Variants in HBS1L observed in about 807,000 individuals in gnomAD.
The protein encoded by HBS1L is HBS1 like translational GTPase.
HBS1L carries 55 observed loss-of-function variants against 88.9 expected under a neutral mutation model. The ratio of observed to expected loss-of-function variants is 0.62; its 90% CI spans 0.50 to 0.77. The LOEUF (loss-of-function observed/expected upper bound fraction) is 0.77, where lower values mean the gene tolerates loss of function less well. Ranked by LOEUF, HBS1L falls within the 30% of genes least tolerant of loss-of-function variation. The pLI, the probability that HBS1L is intolerant of heterozygous loss-of-function variation, is 0.00. For missense variants in HBS1L, 741 were observed against 829.3 expected (o/e 0.89, Z 1.31); for synonymous variants, 267 against 288.5 (o/e 0.93, Z 0.76).
At chr6:134,975,170 C>T (rs1318572760) in intron 15 of HBS1L, among the ~76,000 whole-genome samples, 1 of 151,976 alleles carries the variant, frequency 6.6e-6, no homozygotes, top group Non-Finnish European at 1.5e-5. Context: ...AGCTACAAAA[C>T]CAACCAACCA....
At chr6:135,048,689 G>A (rs1231264811) in intron 2 of HBS1L, among the ~76,000 whole-genome samples, 5 of 152,116 alleles carry the variant, frequency 3.3e-5, no homozygotes, top group Admixed American at 3.3e-4. Flanking sequence ...TGCATTATTT[G>A]TTCTATAATA....
chr6:135,007,954 T>C (rs757026841), intron 4 of HBS1L, among the ~76,000 whole-genome samples: 30 of 152,232 alleles, frequency 2.0e-4, no homozygotes, highest in Non-Finnish European at 3.8e-4. Flanking sequence ...AAGCAGTTCA[T>C]TTAATTTCAC....
Position 135,054,670 on chromosome 6 carries a change from G to T in HBS1L, c.22C>A (p.Arg8=). 1 of 1,614,196 alleles carries T rather than the reference G, an allele frequency of 6.2e-7. No individual in the cohort carries two copies. The highest frequency in any genetic ancestry group is 1.1e-5 in the South Asian group (1 of 91,080). The change falls in exon 1 of 18, where the codon CGA becomes AGA. Residue 8 remains arginine, a synonymous_variant. Transcript: ENST00000367837. MARHRNV[R]GYNYDEDFED... is the part of the protein sequence containing the mutation. ...CTACCTTCATCGTAGTTATAGCCTC[G>T]AACATTCCGATGCCGGGCCATGACG... is the stretch of plus-strand genomic sequence containing the variant.
chr6:135,026,515 C>G (rs1562304380), intron 4 of HBS1L, among the ~76,000 whole-genome samples: 1 of 151,992 alleles, frequency 6.6e-6, no homozygotes. Flanking sequence ...ACATTATTAT[C>G]TGGTCTATTA....
intron 13 of HBS1L, 181 bp from the exon 14 acceptor site, chr6:134,979,449 C>T: frequency 1.8e-6 from 1 of 554,174 alleles, no homozygotes; most frequent in Non-Finnish European, 3.3e-6. Context: ...CTAGAACTGA[C>T]TCTTCTAGAA....
At chr6:135,036,796 T>C in intron 4 of HBS1L, 2 of 1,551,794 alleles carry the variant, frequency 1.3e-6, no homozygotes, top group African/African-American at 1.4e-5. Flanking sequence ...AGCAAGGGCC[T>C]TGGTCCAAGA....
chr6:135,017,252 A>T (rs1416579144), intron 4 of HBS1L, among the ~76,000 whole-genome samples: 1 of 152,184 alleles, frequency 6.6e-6, no homozygotes, highest in African/African-American at 2.4e-5. Context: ...ATTTATCTCT[A>T]AATGACATCA....
chr6:134,965,189 C>T lies in HBS1L; in HGVS notation c.*90G>A. 3 of 1,024,952 alleles carry T rather than the reference C, an allele frequency of 2.9e-6. No individual in the cohort carries two copies. Among genetic ancestry groups the T allele is most frequent in the Non-Finnish European group, 4.6e-6 (3 of 650,080 alleles). 63.5% of individuals were successfully genotyped at this position (1,024,952 alleles called of 1,614,324 possible). ...CTCTCATCTAAAAACATATCAATTG[C>T]ACATTGTTCCTTTGACTTAATAACT... On this transcript the variant is annotated 3_prime_UTR_variant, in exon 18 of 18. Coordinates refer to ENST00000367837, the MANE Select transcript of HBS1L (RefSeq NM_006620.4).
At chr6:134,972,598 T>G (rs1774521571) in intron 15 of HBS1L, among the ~76,000 whole-genome samples, 1 of 152,132 alleles carries the variant, frequency 6.6e-6, no homozygotes, top group Non-Finnish European at 1.5e-5. Context: ...TAAACTGTAC[T>G]TCAACCAAAT....
intron 15 of HBS1L, among the ~76,000 whole-genome samples, chr6:134,974,825 A>G (rs1774596506): frequency 6.6e-6 from 1 of 152,156 alleles, no homozygotes; most frequent in African/African-American, 2.4e-5. Flanking sequence ...GGAAAAGTTG[A>G]AAGCATTCCC....
intron 4 of HBS1L, among the ~76,000 whole-genome samples, chr6:135,007,873 C>G (rs573239134): frequency 2.8e-4 from 42 of 152,252 alleles, no homozygotes; most frequent in Middle Eastern, 6.8e-3. Flanking sequence ...GAAATAAGTA[C>G]TGGATGAAAA....
chr6:135,054,029 T>A (rs988514623), intron 1 of HBS1L, among the ~76,000 whole-genome samples: 2 of 152,238 alleles, frequency 1.3e-5, no homozygotes, highest in Non-Finnish European at 2.9e-5. Flanking sequence ...AAGAACTAAG[T>A]ATAAACTTCA....
At chr6:135,037,324 T>C (rs1432699646) in intron 4 of HBS1L, 1 of 1,551,996 alleles carries the variant, frequency 6.4e-7, no homozygotes, top group Admixed American at 2.0e-5. Context: ...CTGAAACAGT[T>C]CAGTTAGGGA....
Position 135,041,699 on chromosome 6 carries a change from T to C in HBS1L, c.235+302A>G, listed in dbSNP as rs138762692. ...TACAGCTTATGAAACAATTAAATCA[T>C]CTGAAAAAGTTCTTCTTAACGAATC... On this transcript the variant is annotated intron_variant, in intron 3 of 17. Transcript: ENST00000367837. Among the ~76,000 whole-genome samples, 23 of 152,274 alleles carry C rather than the reference T, an allele frequency of 1.5e-4. No individual in the cohort carries two copies. In the East Asian group the frequency reaches 3.9e-3, roughly 26 times the overall value.
At chr6:135,017,996 A>C (rs35527892) in intron 4 of HBS1L, among the ~76,000 whole-genome samples, 1,517 of 91,740 alleles carry the variant, frequency 0.017, 49 homozygotes, top group Admixed American at 0.11. Context: ...AACAAACAAA[A>C]AAAAAAAACA....
intron 14 of HBS1L, 142 bp from the exon 15 acceptor site, chr6:134,978,929 G>GCATGACTTTA: frequency 1.6e-6 from 1 of 629,618 alleles, no homozygotes; most frequent in Non-Finnish European, 2.8e-6. Flanking sequence ...CTGAGCTAAA[G>GCATGACTTTA]CATGACTTTA....
At chr6:134,974,949 T>C (rs1163769984) in intron 15 of HBS1L, among the ~76,000 whole-genome samples, 9 of 152,172 alleles carry the variant, frequency 5.9e-5, no homozygotes, top group Non-Finnish European at 1.3e-4. Context: ...GGCATCCAAA[T>C]TGGAAAAGAG....
At chr6:134,976,729 T>G (rs894359518) in intron 15 of HBS1L, among the ~76,000 whole-genome samples, 4 of 151,950 alleles carry the variant, frequency 2.6e-5, no homozygotes, top group Non-Finnish European at 4.4e-5. Flanking sequence ...CAGAACAGTA[T>G]AGGGGACACT....
chr6:135,034,222 A>AAGGGG (rs1776465536), intron 4 of HBS1L, among the ~76,000 whole-genome samples: 1 of 152,342 alleles, frequency 6.6e-6, no homozygotes, highest in Middle Eastern at 3.4e-3. Flanking sequence ...CACAGATTAA[A>AAGGGG]ATTTTAGAAT....
Sources: gnomAD v4.1 joint callset for allele counts (sites outside exome capture counted in the v4.1 genomes callset) on GRCh38, gnomAD v4.1.1 for gene constraint, MANE v1.5 for transcripts, NCBI Gene and HGNC (gene_info 2026-07-23, HGNC 2026-07-21) for gene names.